The following AXDND1 variants were observed in gnomAD, a reference collection of about 807,000 sequenced individuals.
AXDND1 encodes the protein axonemal dynein light chain domain containing 1, also known as axonemal dynein light chain domain-containing protein 1.
AXDND1 carries 110 observed loss-of-function variants against 137.5 expected under a neutral mutation model. The ratio of observed to expected loss-of-function variants is 0.80; its 90% confidence interval spans 0.69 to 0.94. The LOEUF is 0.94. Ranked by LOEUF, AXDND1 falls within the 40% of genes least tolerant of loss-of-function variation. The pLI, the probability that AXDND1 is intolerant of heterozygous loss-of-function variation, is 0.00. For synonymous variants in AXDND1, 414 were observed against 399.7 expected (o/e 1.04, Z -0.43); for missense variants, 1,191 against 1,169.8 (o/e 1.02, Z -0.26).
chr1:179,457,990 C>CTTTTTTTTT (rs34295838), intron 16 of AXDND1, among the ~76,000 whole-genome samples: 2 of 145,546 alleles, frequency 1.4e-5, no homozygotes, highest in African/African-American at 5.1e-5. Context: ...CTTTCCTTCT[C>CTTTTTTTTT]TTTTTTTTTT....
At chr1:179,550,032 T>C (rs1673049721) in intron 25 of AXDND1, among the ~76,000 whole-genome samples, 1 of 152,190 alleles carries the variant, frequency 6.6e-6, no homozygotes, top group Admixed American at 6.5e-5. Flanking sequence ...CTTTGACTTA[T>C]TTGGATATGA....
At chr1:179,477,850 C>T (rs541030286) in intron 17 of AXDND1, among the ~76,000 whole-genome samples, 4 of 152,216 alleles carry the variant, frequency 2.6e-5, no homozygotes, top group African/African-American at 7.2e-5. Context: ...AAATCAAAAG[C>T]AAGTTAGTTA....
At chr1:179,487,995 C>CAAAAAAAAAAAAAAA (rs71114524) in intron 18 of AXDND1, among the ~76,000 whole-genome samples, 1 of 101,524 alleles carries the variant, frequency 9.8e-6, no homozygotes, top group African/African-American at 4.5e-5. Flanking sequence ...GACCATGTCT[C>CAAAAAAAAAAAAAAA]AAAAAAAAAA....
intron 11 of AXDND1, among the ~76,000 whole-genome samples, chr1:179,406,189 T>TCC (rs1558131869): frequency 1.0e-3 from 159 of 152,292 alleles, no homozygotes; most frequent in African/African-American, 3.8e-3. Context: ...GTTATTAATT[T>TCC]CTAGTTTTAC....
At chr1:179,476,332 G>A (rs12138700) in intron 17 of AXDND1, among the ~76,000 whole-genome samples, 83,529 of 151,996 alleles carry the variant, frequency 0.55, 23,249 homozygotes, top group East Asian at 0.76. Context: ...TTTTTATGTT[G>A]TAGGTCCAAC....
intron 11 of AXDND1, among the ~76,000 whole-genome samples, chr1:179,396,916 T>C (rs1005232223): frequency 6.6e-6 from 1 of 152,186 alleles, no homozygotes; most frequent in Non-Finnish European, 1.5e-5. Context: ...AGCATACCAA[T>C]GGGTCTTGTT....
intron 23 of AXDND1, 140 bp from the exon 24 acceptor site, chr1:179,533,655 G>A (rs1192441058): frequency 1.4e-5 from 7 of 488,768 alleles, no homozygotes; most frequent in Non-Finnish European, 2.5e-5. Context: ...GGTATTAAGG[G>A]TGTGCTTAAC....
chr1:179,445,599 A>T (rs186232702), intron 16 of AXDND1, among the ~76,000 whole-genome samples: 12 of 152,184 alleles, frequency 7.9e-5, no homozygotes, highest in Non-Finnish European at 1.6e-4. Context: ...ATGTGAATGA[A>T]TTCATGTTCT....
intron 16 of AXDND1, among the ~76,000 whole-genome samples, chr1:179,461,803 CT>C (rs917261257): frequency 6.6e-6 from 1 of 152,128 alleles, no homozygotes; most frequent in Non-Finnish European, 1.5e-5. Context: ...ACTTTATTCT[CT>C]TTGAAGCAAT....
At chr1:179,551,135 G>A in intron 25 of AXDND1, 1 of 1,612,540 alleles carries the variant, frequency 6.2e-7, no homozygotes, top group Non-Finnish European at 8.5e-7. Flanking sequence ...ACTTTTCTAT[G>A]GCAGGCCCCT....
chr1:179,468,611 T>C lies in AXDND1; in HGVS notation c.1967T>C (p.Val656Ala), dbSNP rs770211202. 1 of 1,611,726 alleles carries C rather than the reference T, an allele frequency of 6.2e-7. No individual in the cohort carries two copies. The highest frequency in any genetic ancestry group is 1.1e-5 in the South Asian group (1 of 90,670). The change falls in exon 17 of 26, where the codon GTT becomes GCT. Residue 656 changes from valine to alanine, a missense_variant. Physicochemically the swap from Val to Ala is moderately conservative, Grantham distance 64. Coordinates refer to ENST00000367618, the MANE Select transcript of AXDND1 (RefSeq NM_144696.6). ...ATATTGTTAAACCTTACTGGTATTG[T>C]TCCACAGCACATAGATGTGGATTCT... ...LDILLNLTGI[V>A]PQHIDVDSVS...
chr1:179,407,194 G>A (rs570407532), intron 11 of AXDND1, among the ~76,000 whole-genome samples: 2 of 151,432 alleles, frequency 1.3e-5, no homozygotes, highest in East Asian at 3.9e-4. Flanking sequence ...ACTTTGCTAG[G>A]TACAGAATTC....
At chr1:179,485,745 A>C (rs1263555816) in intron 18 of AXDND1, among the ~76,000 whole-genome samples, 1 of 104,710 alleles carries the variant, frequency 9.6e-6, no homozygotes, top group Non-Finnish European at 2.1e-5. Context: ...TCATCAACGT[A>C]CAAGAAAGTT....
chr1:179,541,680 TATTGCATGATA>T (rs1351678410), intron 25 of AXDND1, among the ~76,000 whole-genome samples: 111 of 134,198 alleles, frequency 8.3e-4, no homozygotes, highest in Non-Finnish European at 1.5e-3. Flanking sequence ...TGCATAATAA[TATTGCATGATA>T]ATATGCATGA....
At chr1:179,525,528 G>GT in intron 22 of AXDND1, 81 bp downstream of exon 22, 1 of 1,442,582 alleles carries the variant, frequency 6.9e-7, no homozygotes, top group South Asian at 1.4e-5. Flanking sequence ...ACAGGGTCCT[G>GT]CCCTGTCACC....
chr1:179,368,331 C>A (rs1241721358), intron 2 of AXDND1, among the ~76,000 whole-genome samples: 1 of 152,166 alleles, frequency 6.6e-6, no homozygotes, highest in South Asian at 2.1e-4. Flanking sequence ...CAACCCAGAG[C>A]CTTTCCACTC....
intron 16 of AXDND1, among the ~76,000 whole-genome samples, chr1:179,460,899 T>G (rs1465804448): frequency 3.3e-5 from 5 of 152,108 alleles, no homozygotes; most frequent in Non-Finnish European, 7.4e-5. Flanking sequence ...GATGGGGTTG[T>G]TTGTTTTTTT....
At chr1:179,537,144 A>T (rs61827681) in intron 25 of AXDND1, among the ~76,000 whole-genome samples, 15,573 of 152,274 alleles carry the variant, frequency 0.1, 1,139 homozygotes, top group East Asian at 0.35. Context: ...ATATACAATC[A>T]TGTCATCTGC....
intron 23 of AXDND1, 93 bp from the exon 24 acceptor site, chr1:179,533,702 A>G (rs1377520342): frequency 1.1e-6 from 1 of 932,156 alleles, no homozygotes; most frequent in African/African-American, 1.6e-5. Context: ...GACAAAGAAT[A>G]TTCTAGAAGG....
Sources: allele counts gnomAD v4.1 joint callset (sites outside exome capture counted in the v4.1 genomes callset), GRCh38; gene constraint gnomAD v4.1.1; transcripts MANE v1.5; gene names NCBI Gene and HGNC (gene_info 2026-07-23, HGNC 2026-07-21).